Variants in PUS7 observed in about 807,000 individuals in gnomAD.
PUS7 encodes the protein pseudouridine synthase 7.
Under a neutral mutation model 79.8 loss-of-function variants are expected in PUS7, and 48 were observed. The ratio of observed to expected loss-of-function variants is 0.60; its 90% CI spans 0.48 to 0.76. PUS7 has a LOEUF of 0.76. Ranked by LOEUF, PUS7 falls within the 30% of genes least tolerant of loss-of-function variation. The pLI is 0.00. For missense variants in PUS7, 729 were observed against 797.6 expected (o/e 0.91, Z 1.04); for synonymous variants, 286 against 272.2 (o/e 1.05, Z -0.50).
At chr7:105,459,038 G>T (rs1823307462) in intron 15 of PUS7, 130 bp downstream of exon 15, 3 of 519,732 alleles carry the variant, frequency 5.8e-6, no homozygotes, top group Non-Finnish European at 6.8e-6. Context: ...TGAAAGTAAG[G>T]TCATAAAACA....
At chr7:105,485,199 T>C (rs1225957051) in intron 7 of PUS7, among the ~76,000 whole-genome samples, 1 of 151,530 alleles carries the variant, frequency 6.6e-6, no homozygotes, top group East Asian at 2.0e-4. Flanking sequence ...AGAGTACTGT[T>C]TTTTGTTGTT....
chr7:105,483,639 C>T (rs1195691804), intron 7 of PUS7, among the ~76,000 whole-genome samples: 1 of 151,780 alleles, frequency 6.6e-6, no homozygotes, highest in Non-Finnish European at 1.5e-5. Context: ...AATACAGGTA[C>T]ATGCCACCAC....
At chr7:105,473,696 G>A (rs542184091) in intron 9 of PUS7, among the ~76,000 whole-genome samples, 7 of 152,276 alleles carry the variant, frequency 4.6e-5, no homozygotes, top group African/African-American at 1.7e-4. Context: ...TGGGATTACA[G>A]GCATGTACCA....
At chr7:105,466,134 G>A (rs900435157) in intron 12 of PUS7, among the ~76,000 whole-genome samples, 29 of 148,006 alleles carry the variant, frequency 2.0e-4, no homozygotes, top group African/African-American at 7.3e-4. Flanking sequence ...CTCCATCCTG[G>A]GTCTTGGAGT....
rs143131339 is a variant in PUS7 at position 105,464,607 on chromosome 7, G to A, written c.1627+706C>T. On this transcript the variant is annotated intron_variant, in intron 13 of 15. Coordinates refer to ENST00000469408, the MANE Select transcript of PUS7 (RefSeq NM_019042.5). ...AGGTTCTCTGGCCTATGGACTCTGG[G>A]ACTTATACTGGTGGTTCCCCAGGTC... Among the ~76,000 whole-genome samples, 419 of 152,240 alleles carry A rather than the reference G, an allele frequency of 2.8e-3. 1 individual carries two copies. The highest frequency in any genetic ancestry group is 4.4e-3 in the Non-Finnish European group (299 of 68,004).
At chr7:105,504,739 T>C (rs906617058) in intron 4 of PUS7, among the ~76,000 whole-genome samples, 2 of 152,212 alleles carry the variant, frequency 1.3e-5, no homozygotes, top group Admixed American at 6.5e-5. Context: ...ACCATCCTTC[T>C]GGATTGCTCT....
chr7:105,496,006 A>C (rs1824998437), intron 5 of PUS7, among the ~76,000 whole-genome samples: 1 of 151,900 alleles, frequency 6.6e-6, no homozygotes, highest in South Asian at 2.1e-4. Context: ...CTAAAAATAC[A>C]AAAATTAGCT....
At chr7:105,516,292 TTAA>T (rs1215099321) in intron 1 of PUS7, among the ~76,000 whole-genome samples, 1 of 152,140 alleles carries the variant, frequency 6.6e-6, no homozygotes, top group African/African-American at 2.4e-5. Flanking sequence ...TTTAAATCAC[TTAA>T]TATATATTTT....
chr7:105,500,110 C>A (rs56871031), intron 5 of PUS7, among the ~76,000 whole-genome samples: 1 of 152,144 alleles, frequency 6.6e-6, no homozygotes, highest in Non-Finnish European at 1.5e-5. Flanking sequence ...AATGTCACAA[C>A]ACCACAAGCC....
intron 4 of PUS7, among the ~76,000 whole-genome samples, chr7:105,504,362 C>T (rs899743793): frequency 3.3e-5 from 5 of 151,838 alleles, no homozygotes; most frequent in African/African-American, 4.8e-5. Flanking sequence ...TGAGCCACTG[C>T]GCCCAGCAAC....
chr7:105,508,078 T>TA, intron 2 of PUS7, 37 bp downstream of exon 2: 1 of 1,567,378 alleles, frequency 6.4e-7, no homozygotes, highest in Non-Finnish European at 8.6e-7. Context: ...AGAAACCTAA[T>TA]ACAATCAAAA....
At chr7:105,504,844 C>T (rs550973942) in intron 4 of PUS7, among the ~76,000 whole-genome samples, 83 of 152,090 alleles carry the variant, frequency 5.5e-4, no homozygotes, top group South Asian at 4.4e-3. Flanking sequence ...CAATACCACA[C>T]GCTTTTGGGA....
chr7:105,506,006 T>G lies in PUS7; in HGVS notation c.534A>C (p.Arg178=). 1 of 1,614,020 alleles carries G rather than the reference T, an allele frequency of 6.2e-7. No homozygotes were observed. Among genetic ancestry groups the G allele is most frequent in the Non-Finnish European group, 8.5e-7 (1 of 1,179,952 alleles). Residue 178 remains arginine, a synonymous_variant, in exon 4 of 16, where the codon CGA becomes CGC. Transcript: ENST00000469408. ...FTVLTAEEKQ[R]LEELQLFKNK... is the part of the protein sequence containing the mutation. ...TTTTGAACAGCTGGAGCTCTTCCAATCGCTGCTTTTCTTCAGCTGTCAAAA... is the reference window on the plus strand; with the variant it reads ...TTTTGAACAGCTGGAGCTCTTCCAAGCGCTGCTTTTCTTCAGCTGTCAAAA...
rs769740851 is a variant in PUS7, at chr7:105,502,570, A to G, written c.586-6T>C. The G allele has an allele frequency of 1.9e-6, 3 of 1,611,694 alleles. No homozygotes were observed. The South Asian group carries it at 3.3e-5, about 18-fold the overall frequency. ...TCTTTGGTGTCCTCGATAACCTATT[A>G]AAAAAAACAGATAGCAATACCACCA... On this transcript the variant is annotated splice_region_variant and splice_polypyrimidine_tract_variant and intron_variant, in intron 4 of 15. Coordinates refer to ENST00000469408, the MANE Select transcript of PUS7 (RefSeq NM_019042.5).
chr7:105,481,469 T>C (rs1482240276), intron 8 of PUS7, among the ~76,000 whole-genome samples: 1 of 152,178 alleles, frequency 6.6e-6, no homozygotes, highest in Non-Finnish European at 1.5e-5. Flanking sequence ...CCTTGAGCAG[T>C]AGGATATAAA....
intron 1 of PUS7, among the ~76,000 whole-genome samples, chr7:105,520,863 C>A (rs1826082061): frequency 6.6e-6 from 1 of 152,070 alleles, no homozygotes; most frequent in Non-Finnish European, 1.5e-5. Context: ...CACAGCGAGA[C>A]CCTGTGTGGT....
intron 9 of PUS7, 21 bp from the exon 10 acceptor site, chr7:105,472,214 T>G (rs756141261): frequency 7.1e-7 from 1 of 1,415,774 alleles, no homozygotes; most frequent in East Asian, 2.3e-5. Context: ...ACAACATTTA[T>G]TTTACTAAAT....
intron 12 of PUS7, among the ~76,000 whole-genome samples, chr7:105,467,034 G>GTT (rs56177512): frequency 0.016 from 1,128 of 70,670 alleles, 88 homozygotes; most frequent in East Asian, 0.078. Flanking sequence ...AGTTTTTTCT[G>GTT]TTTTTTTTTT....
At chr7:105,475,951 T>G (rs1057063680) in intron 9 of PUS7, among the ~76,000 whole-genome samples, 2 of 152,068 alleles carry the variant, frequency 1.3e-5, no homozygotes, top group African/African-American at 2.4e-5. Context: ...ATATTTGTTC[T>G]TTTGTTACTG....
Sources: allele counts gnomAD v4.1 joint callset (sites outside exome capture counted in the v4.1 genomes callset), GRCh38; gene constraint gnomAD v4.1.1; transcripts MANE v1.5; gene names NCBI Gene and HGNC (gene_info 2026-07-23, HGNC 2026-07-21).